TBC1D4: variants seen among roughly 807,000 people sequenced by gnomAD.
TBC1D4 encodes TBC (Tre-2, BUB2, CDC16) domain-containing protein.
Under a neutral mutation model 142.5 loss-of-function variants are expected in TBC1D4, and 121 were observed. That is an observed-to-expected ratio of 0.85 (90% confidence interval 0.73 to 0.99). TBC1D4 has a LOEUF of 0.99. Ranked by LOEUF, TBC1D4 falls within the 50% of genes least tolerant of loss-of-function variation. TBC1D4 has a pLI of 0.00. For synonymous variants in TBC1D4, 630 were observed against 628.2 expected (o/e 1.00, Z -0.04); for missense variants, 1,475 against 1,606.6 (o/e 0.92, Z 1.40).
At chr13:75,457,688 C>A (rs1887794945) in intron 1 of TBC1D4, among the ~76,000 whole-genome samples, 1 of 152,218 alleles carries the variant, frequency 6.6e-6, no homozygotes, top group Non-Finnish European at 1.5e-5. Context: ...ACTGCCTAAT[C>A]ACAAGAAGTA....
intron 1 of TBC1D4, among the ~76,000 whole-genome samples, chr13:75,459,764 AG>A (rs1273205704): frequency 1.3e-5 from 2 of 152,330 alleles, no homozygotes; most frequent in Admixed American, 1.3e-4. Context: ...CTGGACACAT[AG>A]CACAGTCCTA....
At chr13:75,374,964 C>G (rs1201934924) in intron 1 of TBC1D4, among the ~76,000 whole-genome samples, 1 of 152,282 alleles carries the variant, frequency 6.6e-6, no homozygotes, top group Admixed American at 6.5e-5. Context: ...CCACCTGCCT[C>G]CAAAGTAGCC....
intron 1 of TBC1D4, among the ~76,000 whole-genome samples, chr13:75,375,069 A>G (rs997775191): frequency 2.6e-5 from 4 of 152,204 alleles, no homozygotes; most frequent in African/African-American, 9.6e-5. Context: ...TTGCTCCCTA[A>G]TATTTTTCCA....
intron 1 of TBC1D4, among the ~76,000 whole-genome samples, chr13:75,472,729 TG>T (rs1329601583): frequency 1.3e-5 from 2 of 151,934 alleles, no homozygotes; most frequent in Non-Finnish European, 1.5e-5. Flanking sequence ...AAGCATTGGG[TG>T]GTCTTCAAAG....
At chr13:75,307,074 C>A (rs1467664521) in intron 14 of TBC1D4, among the ~76,000 whole-genome samples, 1 of 152,176 alleles carries the variant, frequency 6.6e-6, no homozygotes, top group African/African-American at 2.4e-5. Flanking sequence ...GAGCTCCCAT[C>A]TCAGCCTCCT....
chr13:75,409,990 A>C (rs1593855304), intron 1 of TBC1D4, among the ~76,000 whole-genome samples: 1 of 152,312 alleles, frequency 6.6e-6, no homozygotes, highest in South Asian at 2.1e-4. Context: ...AGATTTTTAA[A>C]TTTGTTCACC....
At chr13:75,367,390 G>A (rs1213905106) in intron 1 of TBC1D4, among the ~76,000 whole-genome samples, 1 of 152,000 alleles carries the variant, frequency 6.6e-6, no homozygotes, top group East Asian at 1.9e-4. Flanking sequence ...ATCAGCGTGA[G>A]AATAAGCTTC....
chr13:75,469,269 T>C (rs1009285327), intron 1 of TBC1D4, among the ~76,000 whole-genome samples: 2 of 152,082 alleles, frequency 1.3e-5, no homozygotes, highest in Non-Finnish European at 2.9e-5. Flanking sequence ...GATCACATGA[T>C]AAGGAATTTG....
chr13:75,309,290 G>T (rs1877505865), intron 14 of TBC1D4, among the ~76,000 whole-genome samples: 1 of 151,912 alleles, frequency 6.6e-6, no homozygotes, highest in South Asian at 2.1e-4. Flanking sequence ...AAAGCATTTG[G>T]TAATCATAAT....
intron 1 of TBC1D4, among the ~76,000 whole-genome samples, chr13:75,438,875 G>C (rs1886914640): frequency 6.6e-6 from 1 of 152,150 alleles, no homozygotes; most frequent in African/African-American, 2.4e-5. Flanking sequence ...TAAGTGGAAA[G>C]CTACATTATT....
At chr13:75,440,269 G>C (rs1392697780) in intron 1 of TBC1D4, among the ~76,000 whole-genome samples, 3 of 152,136 alleles carry the variant, frequency 2.0e-5, no homozygotes, top group Non-Finnish European at 2.9e-5. Flanking sequence ...ACTCTTCAAA[G>C]GGGGAGCAGA....
At chr13:75,364,622 G>A (rs1412146277) in intron 1 of TBC1D4, among the ~76,000 whole-genome samples, 3 of 152,248 alleles carry the variant, frequency 2.0e-5, no homozygotes, top group Non-Finnish European at 2.9e-5. Context: ...CAAAGCTATG[G>A]AGAGTGAGCT....
In TBC1D4 at chr13:75,481,605, G is replaced by C. The variant is rs770502545; in HGVS notation, c.163C>G (p.Leu55Val). 3 of 1,608,290 alleles carry C rather than the reference G, an allele frequency of 1.9e-6. No homozygotes were observed. Among genetic ancestry groups the C allele is most frequent in the East Asian group, 2.2e-5 (1 of 44,646 alleles). Reference protein sequence around the residue: ...CLDHRTTLPMLPWLMAEIRRR... With the variant: ...CLDHRTTLPMVPWLMAEIRRR... ...CGGATCTCGGCCATGAGCCAGGGCA[G>C]CATAGGCAGCGTGGTCCTGTGGTCC... Residue 55 changes from leucine (L) to valine (V), a missense_variant, in exon 1 of 21, where the codon CTG becomes GTG. Leu to Val is a conservative substitution (Grantham distance 32). This residue lies in a region of TBC1D4 where 1,227 missense variants were observed against 1,267.7 expected (regional missense o/e 0.97). Coordinates refer to ENST00000377636, the MANE Select transcript of TBC1D4 (RefSeq NM_014832.5).
chr13:75,313,024 G>A (rs2137944470), intron 12 of TBC1D4, 126 bp from the exon 13 acceptor site: 1 of 1,026,794 alleles, frequency 9.7e-7, no homozygotes, highest in Non-Finnish European at 1.5e-6. Context: ...AGGCAACATG[G>A]AGCAATGCAT....
intron 1 of TBC1D4, among the ~76,000 whole-genome samples, chr13:75,405,056 T>G (rs1885266981): frequency 6.6e-6 from 1 of 152,132 alleles, no homozygotes; most frequent in Non-Finnish European, 1.5e-5. Flanking sequence ...ATCTTTCTTA[T>G]GTATGGGTCA....
chr13:75,296,099 A>G (rs1875889796), intron 17 of TBC1D4, among the ~76,000 whole-genome samples: 1 of 152,178 alleles, frequency 6.6e-6, no homozygotes, highest in African/African-American at 2.4e-5. Context: ...CTTATCCACA[A>G]CAAATATCTT....
chr13:75,450,947 G>C (rs915372021), intron 1 of TBC1D4, among the ~76,000 whole-genome samples: 2 of 152,150 alleles, frequency 1.3e-5, no homozygotes, highest in East Asian at 3.8e-4. Context: ...CCTATCAATA[G>C]GAAGAGTCCA....
intron 1 of TBC1D4, among the ~76,000 whole-genome samples, chr13:75,466,013 C>G (rs778522485): frequency 4.6e-5 from 7 of 152,204 alleles, no homozygotes; most frequent in Non-Finnish European, 7.3e-5. Flanking sequence ...CGACTGATGT[C>G]TCATGTCTCC....
At chr13:75,446,881 A>T (rs1199330156) in intron 1 of TBC1D4, among the ~76,000 whole-genome samples, 1 of 152,164 alleles carries the variant, frequency 6.6e-6, no homozygotes, top group Middle Eastern at 3.2e-3. Context: ...GATTGCAAGG[A>T]AGCCCTTAAA....
Sources: gnomAD v4.1 joint callset for allele counts (sites outside exome capture counted in the v4.1 genomes callset) on GRCh38, gnomAD v4.1.1 for gene constraint, gnomAD v4.1.1 regional missense constraint, MANE v1.5 for transcripts, NCBI Gene and HGNC (gene_info 2026-07-23, HGNC 2026-07-21) for gene names.